Variants in ZNF101 observed in about 807,000 individuals in gnomAD.
ZNF101 encodes zinc finger protein 101.
ZNF101 carries 34 observed loss-of-function variants against 42.6 expected under a neutral mutation model. The ratio of observed to expected loss-of-function variants is 0.80; its 90% CI spans 0.61 to 1.06. The LOEUF (loss-of-function observed/expected upper bound fraction) is 1.06, where lower values mean the gene tolerates loss of function less well. Among genes scored for constraint, ZNF101 ranks in the 50% least tolerant of loss-of-function variants. The probability of loss-of-function intolerance (pLI) is 0.00; values close to 1 mark genes in which losing one functional copy is unlikely to be tolerated. For missense variants in ZNF101, 466 were observed against 530.9 expected (o/e 0.88, Z 1.20); for synonymous variants, 158 against 183.9 (o/e 0.86, Z 1.14).
chr19:19,672,536 C>CT (rs935939651), intron 1 of ZNF101, among the ~76,000 whole-genome samples: 25 of 145,028 alleles, frequency 1.7e-4, no homozygotes, highest in African/African-American at 5.9e-4. Context: ...TTAGAACGGG[C>CT]TTTTTTTTTG....
intron 1 of ZNF101, among the ~76,000 whole-genome samples, chr19:19,673,288 C>T (rs1401614339): frequency 6.1e-5 from 8 of 130,728 alleles, no homozygotes; most frequent in African/African-American, 1.2e-4. Flanking sequence ...CTTGCTCTGT[C>T]GCCGAGGCTG....
chr19:19,679,899 C>A lies in ZNF101; in HGVS notation c.910C>A (p.His304Asn), dbSNP rs2062228272. The A allele has an allele frequency of 3.7e-6, 6 of 1,614,004 alleles. No homozygotes were observed. Among genetic ancestry groups the A allele is most frequent in the Non-Finnish European group, 5.1e-6 (6 of 1,180,042 alleles). ...TTCCCTTCACAGACATGAAAGAACT[C>A]ATAGTGGAGGAAAACTCTACGAATG... ...SSSLHRHERT[H>N]SGGKLYECQK... Residue 304 changes from histidine to asparagine, a missense_variant, in exon 4 of 4, where the codon CAT becomes AAT. Coordinates refer to ENST00000592502, the MANE Select transcript of ZNF101 (RefSeq NM_033204.4).
At chr19:19,674,841 G>A (rs2062192054) in intron 1 of ZNF101, among the ~76,000 whole-genome samples, 1 of 152,022 alleles carries the variant, frequency 6.6e-6, no homozygotes, top group African/African-American at 2.4e-5. Context: ...ATTATTTTGA[G>A]ATGGAGTCTC....
rs935642847 is a variant in ZNF101 at position 19,682,507 on chromosome 19, C to A, written c.*2207C>A. The A allele has an allele frequency of 2.0e-5, 3 of 152,162 alleles. No individual in the cohort carries two copies. Among genetic ancestry groups the A allele is most frequent in the Non-Finnish European group, 2.9e-5 (2 of 68,050 alleles). 9.4% of individuals were successfully genotyped at this position (152,162 alleles called of 1,614,324 possible). A position where few individuals can be genotyped will look rare whatever the true frequency, so the allele number is the denominator to read the frequency against. On this transcript the variant is annotated 3_prime_UTR_variant, in exon 4 of 4. Transcript: ENST00000592502. ...AAGTGCTGAGATTATAGGCATGAGA[C>A]ACCTTGCCCGGCCCCTGTGACTCAT... is the stretch of plus-strand genomic sequence containing the variant.
rs1288090558 is a variant in ZNF101 at position 19,668,901 on chromosome 19, C to T, written c.-63C>T. The stretch of plus-strand genomic sequence containing the variant: ...GTGCCCCGGATACGGCTGATTTTGT[C>T]GTGTGGGACCTGTTCTGGCTGCTCC... On this transcript the variant is annotated 5_prime_UTR_variant, in exon 1 of 4. Transcript: ENST00000592502. The T allele has an allele frequency of 3.3e-6, 5 of 1,530,724 alleles. 1 individual carries two copies. The highest frequency in any genetic ancestry group is 4.0e-5 in the Admixed American group (2 of 50,450). 94.8% of individuals were successfully genotyped at this position (1,530,724 alleles called of 1,614,324 possible). A position where few individuals can be genotyped will look rare whatever the true frequency, so the allele number is the denominator to read the frequency against.
Position 19,679,487 on chromosome 19 carries a change from G to A in ZNF101, c.498G>A (p.Lys166=), listed in dbSNP as rs1231513759. 6.2e-7 allele frequency: 1 copy of A among 1,614,166 alleles called. No individual in the cohort carries two copies. Among genetic ancestry groups the A allele is most frequent in the South Asian group, 1.1e-5 (1 of 91,082 alleles). ...GARRTVTPTR[K]RPYECKVCGK... is the part of the protein sequence containing the mutation. ...GGCGCACAGTAACACCAACTCGAAAGAGACCTTATGAATGCAAGGTGTGCG... is the reference window on the plus strand; with the variant it reads ...GGCGCACAGTAACACCAACTCGAAAAAGACCTTATGAATGCAAGGTGTGCG... Residue 166 remains lysine, a synonymous_variant, in exon 4 of 4, where the codon AAG becomes AAA. Transcript: ENST00000592502.
intron 1 of ZNF101, among the ~76,000 whole-genome samples, chr19:19,675,072 T>C (rs1238499187): frequency 1.3e-5 from 2 of 151,972 alleles, no homozygotes; most frequent in East Asian, 3.9e-4. Context: ...CACCCTCCTC[T>C]GCCTCCCAAA....
Position 19,680,092 on chromosome 19 carries a change from G to A in ZNF101, c.1103G>A (p.Cys368Tyr), listed in dbSNP as rs1175001221. 6.2e-7 allele frequency: 1 copy of A among 1,614,036 alleles called. No individual in the cohort carries two copies. The highest frequency in any genetic ancestry group is 1.7e-5 in the Admixed American group (1 of 59,996). Residue 368 changes from cysteine to tyrosine, a missense_variant, in exon 4 of 4, where the codon TGT becomes TAT. Cys to Tyr is a radical substitution (Grantham distance 194). Coordinates refer to ENST00000592502, the MANE Select transcript of ZNF101 (RefSeq NM_033204.4). The part of the protein sequence containing the change: ...KTHSGEKPYE[C>Y]TRCGKAFGWC... ...CATAGTGGAGAAAAGCCATATGAAT[G>A]TACAAGGTGTGGTAAAGCCTTTGGG...
Position 19,680,252 on chromosome 19 carries a change from C to T in ZNF101, c.1263C>T (p.Ser421=), listed in dbSNP as rs1259935630. 2.6e-6 allele frequency: 4 copies of T among 1,550,184 alleles called. No individual in the cohort carries two copies. The highest frequency in any genetic ancestry group is 3.5e-6 in the Non-Finnish European group (4 of 1,152,426). The change falls in exon 4 of 4, where the codon AGC becomes AGT. Residue 421 remains serine, a synonymous_variant. Transcript: ENST00000592502. ...LHERTHLAGR[S]QCFGRRQGDH... ...AAAGAACTCATTTGGCCGGGCGTAG[C>T]CAGTGCTTTGGCAGGAGGCAGGGGG...
chr19:19,669,393 C>G (rs1397390915), intron 1 of ZNF101, among the ~76,000 whole-genome samples: 1 of 152,248 alleles, frequency 6.6e-6, no homozygotes, highest in Non-Finnish European at 1.5e-5. Flanking sequence ...CGTCCCCCAG[C>G]TTCGCTCCTC....
chr19:19,675,021 C>T lies in ZNF101; in HGVS notation c.4-2843C>T, dbSNP rs561446091. On this transcript the variant is annotated intron_variant, in intron 1 of 3. Transcript: ENST00000592502. The stretch of plus-strand genomic sequence containing the variant: ...GTTTTTAGTAGAGACGGGGTTTCAC[C>T]GTGTTAGCCAGGATGGTCTCAATTT... Among the ~76,000 whole-genome samples the T allele has an allele frequency of 7.9e-5, 12 of 152,086 alleles. No individual in the cohort carries two copies. In the East Asian group the frequency reaches 1.7e-3, roughly 22 times the overall value.
At chr19:19,671,091 A>T (rs1026868525) in intron 1 of ZNF101, among the ~76,000 whole-genome samples, 1 of 152,224 alleles carries the variant, frequency 6.6e-6, no homozygotes, top group African/African-American at 2.4e-5. Flanking sequence ...TGCGCGACAG[A>T]GCGAGACTCC....
chr19:19,677,857 G>C lies in ZNF101; in HGVS notation c.4-7G>C, dbSNP rs760772831. 1.3e-5 allele frequency: 21 copies of C among 1,610,274 alleles called. No homozygotes were observed. Among genetic ancestry groups the C allele is most frequent in the East Asian group, 2.2e-5 (1 of 44,720 alleles). ...CCCTCCTCCTCCACACCTGTGGGAT[G>C]TTTCAGGACTCAGTGGCCTTTGAGG... is the stretch of plus-strand genomic sequence containing the variant. On this transcript the variant is annotated splice_region_variant and splice_polypyrimidine_tract_variant and intron_variant, in intron 1 of 3. Coordinates refer to ENST00000592502, the MANE Select transcript of ZNF101 (RefSeq NM_033204.4).
chr19:19,682,188 G>T lies in ZNF101; in HGVS notation c.*1888G>T, dbSNP rs1184194601. On this transcript the variant is annotated 3_prime_UTR_variant, in exon 4 of 4. Transcript: ENST00000592502. ...TCCGCCCTCCTTGGCCTCCCAAAGT[G>T]CTGAGATTACAGGTGTGAGCCACCG... 6.6e-6 allele frequency: 1 copy of T among 150,492 alleles called. No homozygotes were observed. The highest frequency in any genetic ancestry group is 2.4e-5 in the African/African-American group (1 of 40,876). 9.3% of individuals were successfully genotyped at this position (150,492 alleles called of 1,614,324 possible). A position where few individuals can be genotyped will look rare whatever the true frequency, so the allele number is the denominator to read the frequency against.
chr19:19,675,403 G>T (rs2062196472), intron 1 of ZNF101, among the ~76,000 whole-genome samples: 1 of 152,010 alleles, frequency 6.6e-6, no homozygotes, highest in South Asian at 2.1e-4. Context: ...CTCCCAAAGT[G>T]CTGGGATTAC....
At position 19,682,142 on chromosome 19, in the gene ZNF101, C is replaced by T. The variant is rs1296700198; in HGVS notation, c.*1842C>T. 6.6e-6 allele frequency: 1 copy of T among 151,742 alleles called. No homozygotes were observed. Among genetic ancestry groups the T allele is most frequent in the Non-Finnish European group, 1.5e-5 (1 of 67,986 alleles). 9.4% of individuals were successfully genotyped at this position (151,742 alleles called of 1,614,324 possible). On this transcript the variant is annotated 3_prime_UTR_variant, in exon 4 of 4. Coordinates refer to ENST00000592502, the MANE Select transcript of ZNF101 (RefSeq NM_033204.4). ...GCTTCACCATGTGGTTCAGGCTGGT[C>T]TCAGACTCCTGACCTTGTGATCCGC...
chr19:19,679,356 G>C lies in ZNF101; in HGVS notation c.367G>C (p.Ala123Pro), dbSNP rs777167087. 6.2e-7 allele frequency: 1 copy of C among 1,614,108 alleles called. No homozygotes were observed. Among genetic ancestry groups the C allele is most frequent in the Non-Finnish European group, 8.5e-7 (1 of 1,180,026 alleles). ...TTCATTCCTGGACAGGCACATGAGA[G>C]CTCATGCTGGACACAAACGATCTGA... ...RHSFLDRHMR[A>P]HAGHKRSECG... Residue 123 changes from alanine to proline, a missense_variant, in exon 4 of 4, where the codon GCT (alanine) becomes CCT (proline). Coordinates refer to ENST00000592502, the MANE Select transcript of ZNF101 (RefSeq NM_033204.4).
intron 1 of ZNF101, chr19:19,676,602 T>G (rs2062204247): frequency 6.6e-6 from 1 of 151,696 alleles, no homozygotes; most frequent in Non-Finnish European, 1.5e-5. Context: ...TTTGGAAAAG[T>G]AGCTTTTGTT....
At chr19:19,671,142 G>T (rs1490490320) in intron 1 of ZNF101, among the ~76,000 whole-genome samples, 1 of 152,156 alleles carries the variant, frequency 6.6e-6, no homozygotes, top group Non-Finnish European at 1.5e-5. Flanking sequence ...TGGTAGATAA[G>T]CAGAAATTAG....
Sources: gnomAD v4.1 joint callset for allele counts (sites outside exome capture counted in the v4.1 genomes callset) on GRCh38, gnomAD v4.1.1 for gene constraint, MANE v1.5 for transcripts, NCBI Gene and HGNC (gene_info 2026-07-23, HGNC 2026-07-21) for gene names.